Variants in CPNE5 observed in about 807,000 individuals in gnomAD.
CPNE5 encodes copine 5.
Under a neutral mutation model 81.1 loss-of-function variants are expected in CPNE5, and 42 were observed. That is an observed-to-expected ratio of 0.52 (90% CI 0.40 to 0.67). The LOEUF is 0.67. CPNE5 is among the 30% of genes least tolerant of loss of function. The probability of loss-of-function intolerance (pLI) is 0.00; values close to 1 mark genes in which losing one functional copy is unlikely to be tolerated. For synonymous variants in CPNE5, 313 were observed against 321.5 expected, an observed-to-expected ratio of 0.97 and a Z score of 0.28; for missense variants, 612 against 815.5, an observed-to-expected ratio of 0.75 and a Z score of 3.04.
intron 3 of CPNE5, among the ~76,000 whole-genome samples, chr6:36,806,621 C>T (rs996304587): frequency 2.6e-5 from 4 of 152,174 alleles, no homozygotes; most frequent in Admixed American, 2.6e-4. Flanking sequence ...CCAGTTAAAC[C>T]CTCTGAGTTT....
chr6:36,792,299 A>C (rs1230586180), intron 7 of CPNE5: 1 of 1,502,152 alleles, frequency 6.7e-7, no homozygotes, highest in Admixed American at 2.0e-5. Flanking sequence ...CGGGTCCCCG[A>C]GCCTGGAGCT....
intron 12 of CPNE5, among the ~76,000 whole-genome samples, chr6:36,759,941 T>C (rs1765857623): frequency 6.6e-6 from 1 of 151,628 alleles, no homozygotes; most frequent in Non-Finnish European, 1.5e-5. Context: ...GCGTGGTGGC[T>C]CACACCTGAA....
rs911300015 is a variant in CPNE5 at position 36,839,060 on chromosome 6, G to A, written c.95+223C>T. 2.0e-5 allele frequency among the ~76,000 whole-genome samples: 3 copies of A among 152,224 alleles called. No homozygotes were observed. Among genetic ancestry groups the A allele is most frequent in the Non-Finnish European group, 2.9e-5 (2 of 68,032 alleles). On this transcript the variant is annotated intron_variant, in intron 1 of 20. Transcript: ENST00000244751. The surrounding 1 kb of genome is among the most constrained non-coding windows in gnomAD (Gnocchi z 7.3). ...TATCTCCTCGATGCAACAGCCTGGA[G>A]CGCAAACTTTCTGGGATATGACCCC...
In CPNE5 at chr6:36,746,120, G is replaced by A; in HGVS notation, c.1200+276C>T. On this transcript the variant is annotated intron_variant, in intron 16 of 20. Transcript: ENST00000244751. This position sits in a 1 kb window ranked among gnomAD's most constrained non-coding sequence, Gnocchi z 4.5. ...TTCTGGGGCCCTGAGGGATGGGTCA[G>A]CCACAGCTCGCCTCCACCTGCACCT... The A allele has an allele frequency of 3.8e-6, 1 of 261,888 alleles. No homozygotes were observed. Among genetic ancestry groups the A allele is most frequent in the Non-Finnish European group, 4.9e-6 (1 of 203,390 alleles). 16.2% of individuals were successfully genotyped at this position (261,888 alleles called of 1,614,324 possible). A position where few individuals can be genotyped will look rare whatever the true frequency, so the allele number is the denominator to read the frequency against.
At chr6:36,828,626 G>A (rs1422565624) in intron 1 of CPNE5, among the ~76,000 whole-genome samples, 3 of 152,178 alleles carry the variant, frequency 2.0e-5, no homozygotes, top group African/African-American at 7.2e-5. Context: ...CCCCCAATAG[G>A]CAAAGTATGG....
chr6:36,828,398 G>A (rs1414602401), intron 1 of CPNE5, among the ~76,000 whole-genome samples: 6 of 150,684 alleles, frequency 4.0e-5, no homozygotes, highest in Admixed American at 6.6e-5. Context: ...CAGGGAGCCC[G>A]GTCTGACCAG....
chr6:36,821,575 G>A (rs1362652655), intron 3 of CPNE5, among the ~76,000 whole-genome samples: 1 of 152,170 alleles, frequency 6.6e-6, no homozygotes, highest in East Asian at 1.9e-4. Flanking sequence ...GGGGTGGGGA[G>A]GGGACTGGAA....
rs915599823 is a variant in CPNE5 at position 36,799,943 on chromosome 6, T to C, written c.287+24A>G. 8 of 1,551,206 alleles carry C rather than the reference T, an allele frequency of 5.2e-6. No homozygotes were observed. The East Asian group carries it at 6.7e-5, about 13-fold the overall frequency. On this transcript the variant is annotated intron_variant, in intron 4 of 20. Transcript: ENST00000244751. Reference sequence around the variant, plus strand: ...CAATCTTCCTCCCCACCTGGCTGCATCTTCAGCACCATCTTCCACTTACAG... The same window carrying C: ...CAATCTTCCTCCCCACCTGGCTGCACCTTCAGCACCATCTTCCACTTACAG...
intron 3 of CPNE5, among the ~76,000 whole-genome samples, chr6:36,806,994 G>A (rs763740256): frequency 3.8e-4 from 58 of 152,246 alleles, no homozygotes; most frequent in Non-Finnish European, 7.5e-4. Context: ...ACTGGGGGAT[G>A]GAAAATTCCT....
At position 36,822,119 on chromosome 6, in the gene CPNE5, G is replaced by A. The variant is rs369815861; in HGVS notation, c.178C>T (p.Arg60Trp). The A allele has an allele frequency of 7.8e-6, 12 of 1,537,600 alleles. No individual in the cohort carries two copies. The highest frequency in any genetic ancestry group is 4.0e-5 in the Admixed American group (2 of 50,260). The change falls in exon 3 of 21, where the codon CGG becomes TGG. Residue 60 changes from arginine (R) to tryptophan (W), a missense_variant. Arg to Trp is a moderately radical substitution (Grantham distance 101, BLOSUM62 -3). Coordinates refer to ENST00000244751, the MANE Select transcript of CPNE5 (RefSeq NM_020939.2). ...TGGGAAGGAGCTGCACCTACCTCCCGCCACTGCTTGTTCTCCATCCCTTGG... is the reference window on the plus strand; with the variant it reads ...TGGGAAGGAGCTGCACCTACCTCCCACCACTGCTTGTTCTCCATCCCTTGG... The part of the protein sequence containing the change: ...YTQGMENKQW[R>W]EFGRTEVIDN...
At chr6:36,763,373 C>T (rs1035277772) in intron 11 of CPNE5, among the ~76,000 whole-genome samples, 3 of 152,142 alleles carry the variant, frequency 2.0e-5, no homozygotes, top group Admixed American at 6.5e-5. Flanking sequence ...GAGGCCAAGG[C>T]GGGCAGATCA....
chr6:36,786,986 T>C (rs992784215), intron 8 of CPNE5, among the ~76,000 whole-genome samples: 1 of 152,192 alleles, frequency 6.6e-6, no homozygotes, highest in Non-Finnish European at 1.5e-5. Context: ...AAAAGCCAGA[T>C]AGATTATTTC....
intron 3 of CPNE5, among the ~76,000 whole-genome samples, chr6:36,811,894 A>G (rs1771135367): frequency 6.6e-6 from 1 of 152,132 alleles, no homozygotes; most frequent in African/African-American, 2.4e-5. Flanking sequence ...TCCTGAGCTC[A>G]GGAATTTGAG....
At chr6:36,753,186 G>T in intron 13 of CPNE5, 91 bp from the exon 14 acceptor site, 1 of 1,044,084 alleles carries the variant, frequency 9.6e-7, no homozygotes, top group Non-Finnish European at 1.5e-6. Context: ...AGAACACTCG[G>T]CATGTGCCAG....
intron 12 of CPNE5, among the ~76,000 whole-genome samples, chr6:36,762,073 G>A (rs879575398): frequency 4.6e-5 from 7 of 151,924 alleles, no homozygotes; most frequent in African/African-American, 7.3e-5. Flanking sequence ...GAAACATAGC[G>A]AGATCCTGTC....
At position 36,774,205 on chromosome 6, in the gene CPNE5, G is replaced by A. The variant is rs558616032; in HGVS notation, c.737+756C>T. ...TTGATACCAGCTTGGACAACACAGC[G>A]AAACCAGTCTCTACAAAAATAAAAA... On this transcript the variant is annotated intron_variant, in intron 10 of 20. Transcript: ENST00000244751. Among the ~76,000 whole-genome samples, 10 of 151,922 alleles carry A rather than the reference G, an allele frequency of 6.6e-5. No individual in the cohort carries two copies. The South Asian group carries it at 1.2e-3, about 19-fold the overall frequency.
intron 9 of CPNE5, 34 bp downstream of exon 9, chr6:36,778,820 A>C (rs1376312877): frequency 1.4e-6 from 2 of 1,404,684 alleles, no homozygotes; most frequent in Admixed American, 3.4e-5. Flanking sequence ...AGGGACGAGA[A>C]GGTGCAGTGC....
chr6:36,755,887 T>C (rs1483264158), intron 13 of CPNE5: 1 of 299,530 alleles, frequency 3.3e-6, no homozygotes, highest in Non-Finnish European at 6.2e-6. Flanking sequence ...TAGGGGATGA[T>C]AATATCTGCC....
intron 18 of CPNE5, chr6:36,744,640 T>TTCCCCAACTCTGAGCC (rs1378004330): frequency 8.3e-6 from 4 of 479,468 alleles, no homozygotes; most frequent in Non-Finnish European, 1.5e-5. Flanking sequence ...GTTCCTGAGC[T>TTCCCCAACTCTGAGCC]TCCCCAACTC....
Sources: gnomAD v4.1 joint callset for allele counts (sites outside exome capture counted in the v4.1 genomes callset) on GRCh38, gnomAD v4.1.1 for gene constraint, Gnocchi (gnomAD v3.1) non-coding constraint, MANE v1.5 for transcripts, NCBI Gene and HGNC (gene_info 2026-07-23, HGNC 2026-07-21) for gene names.